The following NDUFS4 variants were observed in gnomAD, a reference collection of about 807,000 sequenced individuals.
NDUFS4 encodes NADH:ubiquinone oxidoreductase subunit S4, also known as NADH dehydrogenase [ubiquinone] iron-sulfur protein 4, mitochondrial.
Under a neutral mutation model 24.3 loss-of-function variants are expected in NDUFS4, and 28 were observed. The observed-to-expected ratio is 1.15, with a 90% CI of 0.85 to 1.58. The LOEUF (loss-of-function observed/expected upper bound fraction) is 1.58. Ranked by LOEUF, NDUFS4 falls within the 40% of genes most tolerant of loss-of-function variation. The probability of loss-of-function intolerance (pLI) is 0.00; values close to 1 mark genes in which losing one functional copy is unlikely to be tolerated. For missense variants in NDUFS4, 223 were observed against 207.9 expected, an observed-to-expected ratio of 1.07 and a Z score of -0.45; for synonymous variants, 93 against 69.7, an observed-to-expected ratio of 1.34 and a Z score of -1.67.
At chr5:53,640,708 A>C (rs1844696) in intron 2 of NDUFS4, among the ~76,000 whole-genome samples, 126,274 of 152,178 alleles carry the variant, frequency 0.83, 52,812 homozygotes, top group African/African-American at 0.94. Context: ...ATGACCCAAA[A>C]ACCTCCCGTT....
chr5:53,672,089 T>G (rs1740286686), intron 4 of NDUFS4, among the ~76,000 whole-genome samples: 1 of 151,648 alleles, frequency 6.6e-6, no homozygotes, highest in Non-Finnish European at 1.5e-5. Flanking sequence ...TCCAGGAAAA[T>G]AAAGAAAGAA....
intron 1 of NDUFS4, among the ~76,000 whole-genome samples, chr5:53,588,278 T>A (rs1161035967): frequency 6.6e-6 from 1 of 152,308 alleles, no homozygotes; most frequent in East Asian, 1.9e-4. Flanking sequence ...GAGCCTTCAG[T>A]GGGGTTCTCT....
intron 3 of NDUFS4, among the ~76,000 whole-genome samples, chr5:53,652,440 G>T (rs1335436565): frequency 6.6e-6 from 1 of 151,996 alleles, no homozygotes; most frequent in African/African-American, 2.4e-5. Flanking sequence ...AATCTTAAAT[G>T]TTTTCCCATA....
rs552889079 is a variant in NDUFS4, at chr5:53,615,893, C to T, written c.177+12363C>T. The stretch of plus-strand genomic sequence containing the variant: ...AGGATCTGATTAGTGTACCGATGTA[C>T]ATCTATTCCAGTGATTACTGAGTAT... On this transcript the variant is annotated intron_variant, in intron 2 of 4. Transcript: ENST00000296684. Among the ~76,000 whole-genome samples, 7 of 152,206 alleles carry T rather than the reference C, an allele frequency of 4.6e-5. No homozygotes were observed. The South Asian group carries it at 8.3e-4, about 18-fold the overall frequency.
chr5:53,603,536 G>T lies in NDUFS4; in HGVS notation c.177+6G>T, dbSNP rs1211436058. On this transcript the variant is annotated splice_donor_region_variant and intron_variant, in intron 2 of 4. Transcript: ENST00000296684. ...TAACAGTTGATGAAAAATTGGTAAG[G>T]ATTTTCTACTACACACTGCTATGGT... The T allele has an allele frequency of 6.2e-7, 1 of 1,608,122 alleles. No individual in the cohort carries two copies. Among genetic ancestry groups the T allele is most frequent in the Non-Finnish European group, 8.5e-7 (1 of 1,175,128 alleles).
At chr5:53,603,247 A>C (rs543402380) in intron 1 of NDUFS4, among the ~76,000 whole-genome samples, 1 of 152,182 alleles carries the variant, frequency 6.6e-6, no homozygotes, top group Non-Finnish European at 1.5e-5. Flanking sequence ...CCTGTTGTGA[A>C]CTGTCAAGTG....
chr5:53,639,331 T>A (rs1483525354), intron 2 of NDUFS4, among the ~76,000 whole-genome samples: 1 of 151,924 alleles, frequency 6.6e-6, no homozygotes, highest in Non-Finnish European at 1.5e-5. Flanking sequence ...TAGTACAATT[T>A]CTCATTTTTA....
intron 2 of NDUFS4, among the ~76,000 whole-genome samples, chr5:53,606,465 C>A (rs1180782968): frequency 6.6e-6 from 1 of 151,944 alleles, no homozygotes; most frequent in Non-Finnish European, 1.5e-5. Flanking sequence ...CCTCCCAGTT[C>A]AAGTGATTCT....
At chr5:53,678,424 C>T (rs137951514) in intron 4 of NDUFS4, among the ~76,000 whole-genome samples, 8 of 152,180 alleles carry the variant, frequency 5.3e-5, no homozygotes, top group South Asian at 2.1e-4. Flanking sequence ...TAGAAAGTGA[C>T]GGCAGCACTG....
chr5:53,653,369 A>G (rs1752073101), intron 3 of NDUFS4, among the ~76,000 whole-genome samples: 3 of 152,218 alleles, frequency 2.0e-5, no homozygotes, highest in Admixed American at 2.0e-4. Context: ...GATTATGAGT[A>G]AGTAGCAAAC....
rs187198812 is a variant in NDUFS4 at position 53,564,386 on chromosome 5, A to G, written c.98+3626A>G. ...TCTCCTAGGGGCAGCTATTTTTGCT[A>G]TCTTTGTAACACATCCAAGCCAAAG... On this transcript the variant is annotated intron_variant, in intron 1 of 4. Coordinates refer to ENST00000296684, the MANE Select transcript of NDUFS4 (RefSeq NM_002495.4). Among the ~76,000 whole-genome samples the G allele has an allele frequency of 2.2e-3, 329 of 152,318 alleles. 2 individuals are homozygous for G. The highest frequency in any genetic ancestry group is 7.6e-3 in the African/African-American group (317 of 41,570).
rs114476355 is a variant in NDUFS4 at position 53,656,191 on chromosome 5, A to G, written c.351-2360A>G. 1.8e-3 allele frequency among the ~76,000 whole-genome samples: 254 copies of G among 139,636 alleles called. 1 individual carries two copies. Among genetic ancestry groups the G allele is most frequent in the African/African-American group, 6.6e-3 (244 of 36,816 alleles). 91.6% of individuals were successfully genotyped at this position (139,636 alleles called of 152,430 possible). ...AACTTTAGATTGGTTCCTTTTTTTTAAAGATTGAATTCTCTAGAAGTTTAT... is the reference window on the plus strand; with the variant it reads ...AACTTTAGATTGGTTCCTTTTTTTTGAAGATTGAATTCTCTAGAAGTTTAT... On this transcript the variant is annotated intron_variant, in intron 3 of 4. Coordinates refer to ENST00000296684, the MANE Select transcript of NDUFS4 (RefSeq NM_002495.4).
intron 2 of NDUFS4, among the ~76,000 whole-genome samples, chr5:53,618,922 T>A (rs897830841): frequency 8.6e-5 from 13 of 150,766 alleles, no homozygotes; most frequent in African/African-American, 2.7e-4. Context: ...AAGACCAGCC[T>A]GGGCAACATG....
At chr5:53,618,024 C>A (rs1236188450) in intron 2 of NDUFS4, among the ~76,000 whole-genome samples, 1 of 152,048 alleles carries the variant, frequency 6.6e-6, no homozygotes, top group Non-Finnish European at 1.5e-5. Context: ...CAACTGTAAC[C>A]CCAGCACTTT....
At chr5:53,610,356 C>T (rs1750656899) in intron 2 of NDUFS4, among the ~76,000 whole-genome samples, 1 of 151,948 alleles carries the variant, frequency 6.6e-6, no homozygotes, top group African/African-American at 2.4e-5. Context: ...GTTTGTGGCA[C>T]CCCAAAACAA....
chr5:53,667,766 C>T (rs1752561979), intron 4 of NDUFS4, among the ~76,000 whole-genome samples: 1 of 152,176 alleles, frequency 6.6e-6, no homozygotes, highest in South Asian at 2.1e-4. Flanking sequence ...GACTCTCATT[C>T]CACAGTGGTC....
At chr5:53,604,661 A>T in intron 2 of NDUFS4, 2 of 433,672 alleles carry the variant, frequency 4.6e-6, no homozygotes. Context: ...CTTAGAGTAA[A>T]CACTAAAATC....
chr5:53,587,908 C>T (rs533688561), intron 1 of NDUFS4, among the ~76,000 whole-genome samples: 1 of 152,254 alleles, frequency 6.6e-6, no homozygotes, highest in South Asian at 2.1e-4. Context: ...AATTACCACT[C>T]AGTCAATGAA....
intron 2 of NDUFS4, chr5:53,604,737 C>A (rs1192198037): frequency 2.2e-6 from 1 of 456,112 alleles, no homozygotes; most frequent in Non-Finnish European, 4.4e-6. Flanking sequence ...TATCTTGTAC[C>A]ACTGTGTTTT....
Sources: allele counts gnomAD v4.1 joint callset (sites outside exome capture counted in the v4.1 genomes callset), GRCh38; gene constraint gnomAD v4.1.1; transcripts MANE v1.5; gene names NCBI Gene and HGNC (gene_info 2026-07-23, HGNC 2026-07-21).